The following CACNA1C variants were observed in gnomAD, a reference collection of about 807,000 sequenced individuals.
CACNA1C encodes the protein calcium voltage-gated channel subunit alpha1 C.
In CACNA1C, 30 loss-of-function variants were observed where a neutral mutation model predicts 229.0. The observed-to-expected ratio is 0.13, with a 90% CI of 0.10 to 0.18. The LOEUF is 0.18. CACNA1C is among the 10% of genes least tolerant of loss of function. CACNA1C has a pLI of 1.00. For synonymous variants in CACNA1C, 1,114 were observed against 1,132.5 expected (o/e 0.98, Z 0.33); for missense variants, 1,658 against 2,845.0 (o/e 0.58, Z 9.49).
In CACNA1C at chr12:2,504,004, A is replaced by G. The variant is rs1477388845; in HGVS notation, c.1114-838A>G. 6.6e-6 allele frequency among the ~76,000 whole-genome samples: 1 copy of G among 152,236 alleles called. No individual in the cohort carries two copies. The highest frequency in any genetic ancestry group is 2.4e-5 in the African/African-American group (1 of 41,466). On this transcript the variant is annotated intron_variant, in intron 7 of 46. Coordinates refer to ENST00000399655, the MANE Select transcript of CACNA1C (RefSeq NM_000719.7). This position sits in a 1 kb window ranked among gnomAD's most constrained non-coding sequence, Gnocchi z 6.8. ...ACCTCCTCTGTGGTTTCAGTTCTCC[A>G]GGCCTGTCAGCAGGAGCTGACGCAC...
At chr12:2,036,840 G>C (rs2049234392) in intron 1 of CACNA1C, among the ~76,000 whole-genome samples, 1 of 152,202 alleles carries the variant, frequency 6.6e-6, no homozygotes, top group Admixed American at 6.5e-5. Context: ...ACCCTTTAGT[G>C]ACCAGATGAG....
chr12:2,082,239 A>G (rs781454654), intron 1 of CACNA1C, among the ~76,000 whole-genome samples: 11 of 152,184 alleles, frequency 7.2e-5, no homozygotes, highest in Admixed American at 1.3e-4. Context: ...TCTTTTCCAC[A>G]GTGTCTGCCC....
At chr12:2,123,343 T>C (rs1382899194) in intron 3 of CACNA1C, among the ~76,000 whole-genome samples, 6 of 121,282 alleles carry the variant, frequency 4.9e-5, no homozygotes, top group Middle Eastern at 7.4e-3. Flanking sequence ...GCCACCGCAC[T>C]CCAGCCTGGG....
chr12:2,212,514 A>T (rs1258277869), intron 3 of CACNA1C, among the ~76,000 whole-genome samples: 2 of 152,266 alleles, frequency 1.3e-5, no homozygotes, highest in Non-Finnish European at 1.5e-5. Flanking sequence ...TGACACCTGC[A>T]TACTTGCTAA....
intron 30 of CACNA1C, among the ~76,000 whole-genome samples, chr12:2,644,906 C>A (rs577710791): frequency 6.6e-6 from 1 of 152,200 alleles, no homozygotes; most frequent in Non-Finnish European, 1.5e-5. Context: ...GGAAGGAAAT[C>A]GTCTTTCCTT....
chr12:2,641,558 A>C, intron 30 of CACNA1C: 5 of 600,806 alleles, frequency 8.3e-6, no homozygotes, highest in Admixed American at 5.2e-5. Flanking sequence ...AGTCCCTTCC[A>C]GCTTCTTCCC....
chr12:2,338,553 C>A (rs1289580250), intron 3 of CACNA1C, among the ~76,000 whole-genome samples: 5 of 150,006 alleles, frequency 3.3e-5, no homozygotes, highest in African/African-American at 1.2e-4. Context: ...GTGACACTGA[C>A]CACCGGTGGC....
intron 3 of CACNA1C, among the ~76,000 whole-genome samples, chr12:2,370,975 T>A (rs934453877): frequency 9.2e-5 from 14 of 152,136 alleles, no homozygotes; most frequent in Non-Finnish European, 1.3e-4. Flanking sequence ...GTTGGTCACA[T>A]TCAGTGAGGG....
intron 38 of CACNA1C, among the ~76,000 whole-genome samples, chr12:2,673,467 A>C (rs2096650650): frequency 7.8e-6 from 1 of 127,630 alleles, no homozygotes; most frequent in African/African-American, 3.9e-5. Context: ...CTTCCGTCTA[A>C]AAAAAAAAAA....
At chr12:2,421,996 TTC>T (rs2098984129) in intron 3 of CACNA1C, among the ~76,000 whole-genome samples, 1 of 152,210 alleles carries the variant, frequency 6.6e-6, no homozygotes, top group Non-Finnish European at 1.5e-5. Flanking sequence ...CAAAATACCT[TTC>T]TCTGTTCCTC....
intron 1 of CACNA1C, among the ~76,000 whole-genome samples, chr12:2,083,856 A>G (rs1325049855): frequency 1.3e-5 from 2 of 152,232 alleles, no homozygotes; most frequent in Non-Finnish European, 2.9e-5. Context: ...TCATTGGATC[A>G]TTCATTGAGC....
intron 1 of CACNA1C, among the ~76,000 whole-genome samples, chr12:2,021,231 T>G (rs982413885): frequency 1.6e-4 from 25 of 152,194 alleles, no homozygotes; most frequent in African/African-American, 2.4e-4. Flanking sequence ...TTGAGGAAGC[T>G]GAGGCTCAGA....
At chr12:2,648,626 C>A in intron 31 of CACNA1C, 119 bp downstream of exon 31, 1 of 831,688 alleles carries the variant, frequency 1.2e-6, no homozygotes, top group Non-Finnish European at 2.1e-6. Flanking sequence ...CTGCATGTGG[C>A]CACTGTGTCT....
At chr12:2,057,150 A>G (rs1490220706) in intron 1 of CACNA1C, among the ~76,000 whole-genome samples, 2 of 152,152 alleles carry the variant, frequency 1.3e-5, no homozygotes, top group African/African-American at 4.8e-5. Context: ...GGTCTCTTCA[A>G]TTTGTTCTTC....
chr12:2,670,688 G>C (rs758922579), intron 38 of CACNA1C, among the ~76,000 whole-genome samples: 1 of 151,784 alleles, frequency 6.6e-6, no homozygotes, highest in Admixed American at 6.6e-5. Context: ...GTGAAACCTC[G>C]TCTCTACTAA....
intron 3 of CACNA1C, among the ~76,000 whole-genome samples, chr12:2,437,716 G>T (rs2099148321): frequency 6.6e-6 from 1 of 152,014 alleles, no homozygotes; most frequent in Non-Finnish European, 1.5e-5. Context: ...TGATGGTAAT[G>T]GTAGAGGTAG....
chr12:2,532,167 C>G (rs2099842457), intron 9 of CACNA1C, among the ~76,000 whole-genome samples: 1 of 152,204 alleles, frequency 6.6e-6, no homozygotes, highest in Non-Finnish European at 1.5e-5. Flanking sequence ...CTTTTGAGAT[C>G]TTTTCCCACC....
intron 2 of CACNA1C, among the ~76,000 whole-genome samples, chr12:2,118,780 G>A (rs191827899): frequency 2.2e-4 from 33 of 152,292 alleles, no homozygotes; most frequent in East Asian, 1.2e-3. Flanking sequence ...AGCTTAGTCC[G>A]TCTGGGTTCC....
At chr12:2,573,128 T>A (rs968798441) in intron 13 of CACNA1C, among the ~76,000 whole-genome samples, 1 of 152,096 alleles carries the variant, frequency 6.6e-6, no homozygotes, top group African/African-American at 2.4e-5. Context: ...TAGCTCACTG[T>A]AGCCTCAAAC....
Sources: gnomAD v4.1 joint callset for allele counts (sites outside exome capture counted in the v4.1 genomes callset) on GRCh38, gnomAD v4.1.1 for gene constraint, Gnocchi (gnomAD v3.1) non-coding constraint, MANE v1.5 for transcripts, NCBI Gene and HGNC (gene_info 2026-07-23, HGNC 2026-07-21) for gene names.